The following GARRE1 variants were observed in gnomAD, a reference collection of about 807,000 sequenced individuals.
GARRE1 encodes granule associated Rac and RHOG effector 1, also known as granule associated Rac and RHOG effector protein 1.
Under a neutral mutation model 103.2 loss-of-function variants are expected in GARRE1, and 49 were observed. The observed-to-expected ratio is 0.47, with a 90% confidence interval of 0.38 to 0.60. The LOEUF (loss-of-function observed/expected upper bound fraction) is 0.60, where lower values mean the gene tolerates loss of function less well. Among genes scored for constraint, GARRE1 ranks in the 20% least tolerant of loss-of-function variants. GARRE1 has a pLI of 0.00. For synonymous variants in GARRE1, 505 were observed against 532.8 expected (o/e 0.95, Z 0.72); for missense variants, 1,199 against 1,370.5 (o/e 0.87, Z 1.98).
chr19:34,341,374 T>G, intron 9 of GARRE1, 48 bp from the exon 10 acceptor site: 2 of 1,464,638 alleles, frequency 1.4e-6, no homozygotes, highest in Middle Eastern at 2.3e-4. Flanking sequence ...ATTTTATTAT[T>G]TTATATATTT....
intron 1 of GARRE1, among the ~76,000 whole-genome samples, chr19:34,292,817 G>T (rs1367159127): frequency 1.3e-5 from 2 of 151,614 alleles, no homozygotes; most frequent in Non-Finnish European, 1.5e-5. Context: ...TCACTGCAAG[G>T]CTCCGCCTTC....
chr19:34,324,876 A>G (rs1391683622), intron 3 of GARRE1, among the ~76,000 whole-genome samples: 2 of 152,152 alleles, frequency 1.3e-5, no homozygotes, highest in Non-Finnish European at 2.9e-5. Flanking sequence ...TTTTTTCCGT[A>G]TATGAATGTA....
At position 34,300,772 on chromosome 19, in the gene GARRE1, T is replaced by C; in HGVS notation, c.299T>C (p.Leu100Pro). 4 of 1,614,178 alleles carry C rather than the reference T, an allele frequency of 2.5e-6. No homozygotes were observed. Among genetic ancestry groups the C allele is most frequent in the Non-Finnish European group, 3.4e-6 (4 of 1,180,024 alleles). Residue 100 changes from leucine (L) to proline (P), a missense_variant, in exon 2 of 14, where the codon CTC (leucine) becomes CCC (proline). Coordinates refer to ENST00000299505, the MANE Select transcript of GARRE1 (RefSeq NM_014686.5). Reference protein sequence around the residue: ...FCRASTFLTDLFSTVFRNSHY... With the variant: ...FCRASTFLTDPFSTVFRNSHY... ...CGTGCCAGTACTTTCCTCACAGATC[T>C]CTTCAGCACTGTGTTCAGGAACTCT...
At chr19:34,260,880 C>A (rs375468616) in intron 1 of GARRE1, among the ~76,000 whole-genome samples, 2 of 152,176 alleles carry the variant, frequency 1.3e-5, no homozygotes, top group Non-Finnish European at 2.9e-5. Flanking sequence ...AATTTTGTAT[C>A]CTCAGAAGAA....
chr19:34,352,985 T>TGCCTGCCC lies in GARRE1; in HGVS notation c.*34_*41dup, dbSNP rs1318009969. ...AGGCCAGCCAGCCTGCCTGCCTGCC[T>TGCCTGCCC]GCCTGCCCGCCCAGAGCTGTGGGGA... On this transcript the variant is annotated 3_prime_UTR_variant, in exon 14 of 14. Coordinates refer to ENST00000299505, the MANE Select transcript of GARRE1 (RefSeq NM_014686.5). The TGCCTGCCC allele has an allele frequency of 3.7e-6, 4 of 1,088,932 alleles. No individual in the cohort carries two copies. The highest frequency in any genetic ancestry group is 4.9e-6 in the Non-Finnish European group (4 of 818,462). The allele number at this position is 1,088,932 out of a possible 1,614,324, so 67.5% of individuals were successfully genotyped here.
At chr19:34,298,776 T>C (rs2073961260) in intron 1 of GARRE1, among the ~76,000 whole-genome samples, 1 of 152,206 alleles carries the variant, frequency 6.6e-6, no homozygotes, top group African/African-American at 2.4e-5. Context: ...TTTGAACTTT[T>C]GTTTGGGAGA....
chr19:34,344,797 C>T (rs1053294466), intron 10 of GARRE1, among the ~76,000 whole-genome samples: 7 of 151,508 alleles, frequency 4.6e-5, no homozygotes, highest in Non-Finnish European at 1.5e-5. Flanking sequence ...CCTCAGCTTC[C>T]TGAGTAGCTG....
At chr19:34,310,798 C>T (rs547017458) in intron 2 of GARRE1, among the ~76,000 whole-genome samples, 17 of 152,292 alleles carry the variant, frequency 1.1e-4, no homozygotes, top group Non-Finnish European at 2.4e-4. Context: ...AACTGCTCCT[C>T]TCCCCGCACC....
intron 3 of GARRE1, among the ~76,000 whole-genome samples, chr19:34,321,309 C>T (rs1251078103): frequency 6.8e-6 from 1 of 147,644 alleles, no homozygotes; most frequent in East Asian, 2.0e-4. Context: ...ATCTCTTGAC[C>T]TCGTGATCTG....
chr19:34,310,806 A>G (rs1038532615), intron 2 of GARRE1, among the ~76,000 whole-genome samples: 1 of 151,964 alleles, frequency 6.6e-6, no homozygotes, highest in Non-Finnish European at 1.5e-5. Context: ...CTCTCCCCGC[A>G]CCCAGCTCAC....
intron 2 of GARRE1, among the ~76,000 whole-genome samples, chr19:34,317,398 G>A (rs1181095630): frequency 1.3e-5 from 2 of 152,172 alleles, no homozygotes; most frequent in Admixed American, 1.3e-4. Flanking sequence ...TGTGAACCCA[G>A]AGCTAATGGA....
intron 2 of GARRE1, among the ~76,000 whole-genome samples, chr19:34,312,299 T>A (rs770934354): frequency 1.3e-5 from 2 of 152,226 alleles, no homozygotes; most frequent in African/African-American, 4.8e-5. Context: ...GTAAAATATA[T>A]GTAACATAAA....
At chr19:34,347,535 A>C (rs2074217511) in intron 10 of GARRE1, among the ~76,000 whole-genome samples, 1 of 152,206 alleles carries the variant, frequency 6.6e-6, no homozygotes, top group Admixed American at 6.5e-5. Flanking sequence ...CTGATGCTGG[A>C]AATTTTTTAA....
intron 1 of GARRE1, among the ~76,000 whole-genome samples, chr19:34,289,357 C>T (rs1054619320): frequency 1.3e-5 from 2 of 151,788 alleles, no homozygotes; most frequent in African/African-American, 4.8e-5. Flanking sequence ...CACTTGAGCT[C>T]AGGAGCTCAA....
At chr19:34,350,301 G>A (rs1453714830) in intron 12 of GARRE1, among the ~76,000 whole-genome samples, 1 of 152,138 alleles carries the variant, frequency 6.6e-6, no homozygotes, top group African/African-American at 2.4e-5. Flanking sequence ...CTGAGTTTCT[G>A]TGAAGGGCGC....
At chr19:34,282,004 A>C (rs1166981445) in intron 1 of GARRE1, among the ~76,000 whole-genome samples, 2 of 152,120 alleles carry the variant, frequency 1.3e-5, no homozygotes, top group African/African-American at 4.8e-5. Flanking sequence ...TAAAAGCTAC[A>C]AGCGTGTGTG....
intron 3 of GARRE1, among the ~76,000 whole-genome samples, chr19:34,324,617 T>TAC (rs1177648096): frequency 1.3e-5 from 2 of 151,860 alleles, no homozygotes; most frequent in East Asian, 3.9e-4. Context: ...TCCTCCTGAG[T>TAC]AGCTCAGACT....
At chr19:34,347,843 C>T (rs2074219094) in intron 10 of GARRE1, 34 bp from the exon 11 acceptor site, 4 of 1,478,528 alleles carry the variant, frequency 2.7e-6, no homozygotes, top group South Asian at 2.7e-5. Flanking sequence ...CCAGTTTGTC[C>T]CCAAACCCGG....
chr19:34,338,525 AG>A (rs1205958875), intron 8 of GARRE1, among the ~76,000 whole-genome samples: 2 of 152,186 alleles, frequency 1.3e-5, no homozygotes, highest in Non-Finnish European at 2.9e-5. Context: ...AGGATAGAGT[AG>A]GACTCTGTCT....
Sources: allele counts gnomAD v4.1 joint callset (sites outside exome capture counted in the v4.1 genomes callset), GRCh38; gene constraint gnomAD v4.1.1; transcripts MANE v1.5; gene names NCBI Gene and HGNC (gene_info 2026-07-23, HGNC 2026-07-21).